Variants in NUP85 observed in about 807,000 individuals in gnomAD.
NUP85 encodes nuclear pore complex protein Nup85.
In NUP85, 23 loss-of-function variants were observed where a neutral mutation model predicts 92.8. The ratio of observed to expected loss-of-function variants is 0.25; its 90% CI spans 0.18 to 0.35. The LOEUF is 0.35. NUP85 is among the 10% of genes least tolerant of loss of function. The pLI is 1.00. For synonymous variants in NUP85, 314 were observed against 306.9 expected (o/e 1.02, Z -0.24); for missense variants, 759 against 822.8 (o/e 0.92, Z 0.95).
intron 11 of NUP85, among the ~76,000 whole-genome samples, chr17:75,229,572 GAGAC>G (rs1405258153): frequency 3.9e-5 from 6 of 152,204 alleles, no homozygotes; most frequent in East Asian, 1.9e-4. Flanking sequence ...GAGTGAGAGA[GAGAC>G]AGAGTGAGAG....
chr17:75,233,923 G>A (rs1158857717), intron 16 of NUP85, among the ~76,000 whole-genome samples: 1 of 151,136 alleles, frequency 6.6e-6, no homozygotes, highest in Non-Finnish European at 1.5e-5. Flanking sequence ...TAGTAGAGAT[G>A]GGGTTTCACC....
chr17:75,225,629 G>A (rs985812092), intron 9 of NUP85, 69 bp from the exon 10 acceptor site: 9 of 1,598,360 alleles, frequency 5.6e-6, no homozygotes, highest in East Asian at 2.2e-5. Context: ...CCTTAGCTGA[G>A]AGCAGGAGCA....
chr17:75,233,400 TTTC>T (rs2076163772), intron 16 of NUP85, among the ~76,000 whole-genome samples: 1 of 138,146 alleles, frequency 7.2e-6, no homozygotes, highest in Non-Finnish European at 1.5e-5. Flanking sequence ...TCTCTTTCTC[TTTC>T]TCTTTCTTTC....
In NUP85 at chr17:75,205,796, T is replaced by A; in HGVS notation, c.33+2T>A. 6.2e-7 allele frequency: 1 copy of A among 1,614,166 alleles called. No individual in the cohort carries two copies. Among genetic ancestry groups the A allele is most frequent in the Non-Finnish European group, 8.5e-7 (1 of 1,180,008 alleles). ...CTCGATGGCGAGCCAACAGTCACTG[T>A]AAGGGTACCCCGAACAGGCTTGCTC... is the stretch of plus-strand genomic sequence containing the variant. On this transcript the variant is annotated splice_donor_variant, in intron 1 of 18. Transcript: ENST00000245544. LOFTEE classifies it high-confidence loss of function.
rs1468892067 is a variant in NUP85 at position 75,207,229 on chromosome 17, G to A, written c.34-1298G>A. Among the ~76,000 whole-genome samples, 3 of 151,608 alleles carry A rather than the reference G, an allele frequency of 2.0e-5. No homozygotes were observed. In the East Asian group the frequency reaches 5.9e-4, roughly 30 times the overall value. ...GCGGAGTTTCCCTCTTGTCGCCCAG[G>A]CTAGAGTGCAGTGGTGCGGTCTCGG... On this transcript the variant is annotated intron_variant, in intron 1 of 18. Transcript: ENST00000245544.
rs200789403 is a variant in NUP85 at position 75,209,965 on chromosome 17, T to G, written c.270T>G (p.Thr90=). 2.5e-6 allele frequency: 4 copies of G among 1,587,332 alleles called. No individual in the cohort carries two copies. Among genetic ancestry groups the G allele is most frequent in the Non-Finnish European group, 3.4e-6 (4 of 1,173,336 alleles). The part of the protein sequence containing the change: ...LGLQRIDEEL[T]GKSRKSQLVR... ...TCCAGAGAATTGACGAAGAGTTGAC[T>G]GGAAAATCCAGAAAATCTCAGTAAG... is the stretch of plus-strand genomic sequence containing the variant. Residue 90 remains threonine, a synonymous_variant, in exon 3 of 19, where the codon ACT becomes ACG. Transcript: ENST00000245544.
At position 75,212,114 on chromosome 17, in the gene NUP85, A is replaced by G. The variant is rs751386810; in HGVS notation, c.361+52A>G. On this transcript the variant is annotated intron_variant, in intron 4 of 18. Coordinates refer to ENST00000245544, the MANE Select transcript of NUP85 (RefSeq NM_024844.5). ...TGTGTGTGTGTGTGTGTGTGTGGGT[A>G]TTTTGAGTATTTATCTATGCATAAA... The G allele has an allele frequency of 2.4e-4, 173 of 726,662 alleles. 1 individual carries two copies. The highest frequency in any genetic ancestry group is 3.4e-4 in the Middle Eastern group (1 of 2,940). The allele number at this position is 726,662 out of a possible 1,614,324, so 45.0% of individuals were successfully genotyped here.
chr17:75,212,593 C>A (rs1260941141), intron 4 of NUP85, among the ~76,000 whole-genome samples: 2 of 150,878 alleles, frequency 1.3e-5, no homozygotes, highest in Admixed American at 1.3e-4. Flanking sequence ...CTACCTCATC[C>A]TTCCAAGTAG....
At chr17:75,216,048 C>T (rs1598282720) in intron 6 of NUP85, among the ~76,000 whole-genome samples, 1 of 152,134 alleles carries the variant, frequency 6.6e-6, no homozygotes, top group Non-Finnish European at 1.5e-5. Flanking sequence ...TAAACCCTGA[C>T]AAGTACTGAG....
rs1462081898 is a variant in NUP85, at chr17:75,218,067, A to G, written c.476-118A>G. On this transcript the variant is annotated intron_variant, in intron 6 of 18. Transcript: ENST00000245544. ...TCAGGACCATGTGTGTGACTGCTTA[A>G]AAGGGATAAACCTATGTAGTCAGCT... The G allele has an allele frequency of 2.2e-6, 3 of 1,360,896 alleles. No homozygotes were observed. In the African/African-American group the frequency reaches 4.3e-5, roughly 20 times the overall value. The allele number at this position is 1,360,896 out of a possible 1,614,324, so 84.3% of individuals were successfully genotyped here. A position where few individuals can be genotyped will look rare whatever the true frequency, so the allele number is the denominator to read the frequency against.
chr17:75,231,347 C>G lies in NUP85; in HGVS notation c.1102C>G (p.Leu368Val). The stretch of plus-strand genomic sequence containing the variant: ...TGGTGTCTGAATCTGCAGCATCGCC[C>G]TGAGCAACTGGTGGTTTGTGGCCCA... ...HQVIKECSIA[L>V]SNWWFVAHLT... Residue 368 changes from leucine (L) to valine (V), a missense_variant, in exon 12 of 19, where the codon CTG becomes GTG. Coordinates refer to ENST00000245544, the MANE Select transcript of NUP85 (RefSeq NM_024844.5). The surrounding 1 kb of genome is among the most constrained non-coding windows in gnomAD (Gnocchi z 4.6). The G allele has an allele frequency of 6.2e-7, 1 of 1,614,220 alleles. No homozygotes were observed. The highest frequency in any genetic ancestry group is 1.1e-5 in the South Asian group (1 of 91,080).
chr17:75,205,690 A>G lies in NUP85; in HGVS notation c.-72A>G. Reference sequence around the variant, plus strand: ...CCAGGCGGAGTCTTGTCTCGCAGCCAGCTCTGAGCGGGAGGCCTGAGCGGG... The same window carrying G: ...CCAGGCGGAGTCTTGTCTCGCAGCCGGCTCTGAGCGGGAGGCCTGAGCGGG... On this transcript the variant is annotated 5_prime_UTR_variant, in exon 1 of 19. Transcript: ENST00000245544. The G allele has an allele frequency of 1.3e-6, 2 of 1,582,626 alleles. No individual in the cohort carries two copies. Among genetic ancestry groups the G allele is most frequent in the Non-Finnish European group, 8.7e-7 (1 of 1,151,788 alleles).
intron 11 of NUP85, among the ~76,000 whole-genome samples, chr17:75,230,615 T>G (rs2076015861): frequency 6.6e-6 from 1 of 152,086 alleles, no homozygotes; most frequent in East Asian, 1.9e-4. Flanking sequence ...CACCTCGGCC[T>G]CCCAAAGTGC....
At chr17:75,208,821 C>A (rs1228798847) in intron 2 of NUP85, among the ~76,000 whole-genome samples, 1 of 152,082 alleles carries the variant, frequency 6.6e-6, no homozygotes, top group Non-Finnish European at 1.5e-5. Flanking sequence ...TGGCTCACTG[C>A]AGCCTCTACC....
At chr17:75,232,088 T>C (rs894019528) in intron 14 of NUP85, 109 bp downstream of exon 14, 3 of 1,176,966 alleles carry the variant, frequency 2.5e-6, no homozygotes, top group African/African-American at 3.0e-5. Context: ...CGAGCCACAC[T>C]GGAGACGTGG....
chr17:75,234,547 T>C, intron 16 of NUP85, 90 bp from the exon 17 acceptor site: 3 of 1,368,282 alleles, frequency 2.2e-6, no homozygotes, highest in Non-Finnish European at 3.1e-6. Context: ...GTTTTTCTTC[T>C]CCTGTTTAGG....
At chr17:75,208,712 C>T (rs983719870) in intron 2 of NUP85, 92 bp downstream of exon 2, 12 of 766,504 alleles carry the variant, frequency 1.6e-5, no homozygotes, top group Non-Finnish European at 2.8e-5. Context: ...TGGACTGAAA[C>T]AGTTGAATTT....
rs2076056016 is a variant in NUP85 at position 75,231,479 on chromosome 17, GGT to G, written c.1178+60_1178+61del. 1.9e-6 allele frequency: 3 copies of G among 1,609,294 alleles called. No individual in the cohort carries two copies. Among genetic ancestry groups the G allele is most frequent in the Non-Finnish European group, 2.6e-6 (3 of 1,175,712 alleles). ...TTCTTACCACCAGGCCCCCGAGGGTGGTGTGAACTGAATGCCTGAAAGGGAGG... is the reference window on the plus strand; with the variant it reads ...TTCTTACCACCAGGCCCCCGAGGGTGGTGAACTGAATGCCTGAAAGGGAGG... On this transcript the variant is annotated intron_variant, in intron 12 of 18. Transcript: ENST00000245544. This position sits in a 1 kb window ranked among gnomAD's most constrained non-coding sequence, Gnocchi z 4.6.
intron 16 of NUP85, 109 bp from the exon 17 acceptor site, chr17:75,234,528 T>A: frequency 9.6e-7 from 1 of 1,045,792 alleles, no homozygotes; most frequent in Non-Finnish European, 1.4e-6. Flanking sequence ...GTGGAGTGGC[T>A]GGTCTGAGGT....
Sources: gnomAD v4.1 joint callset for allele counts (sites outside exome capture counted in the v4.1 genomes callset) on GRCh38, gnomAD v4.1.1 for gene constraint, Gnocchi (gnomAD v3.1) non-coding constraint, MANE v1.5 for transcripts, NCBI Gene and HGNC (gene_info 2026-07-23, HGNC 2026-07-21) for gene names.